Variants in ARHGAP24 observed in about 807,000 individuals in gnomAD.
The protein encoded by ARHGAP24 is Rho GTPase activating protein 24, also known as rho GTPase-activating protein 24.
Under a neutral mutation model 76.4 loss-of-function variants are expected in ARHGAP24, and 50 were observed. The ratio of observed to expected loss-of-function variants is 0.65; its 90% confidence interval spans 0.52 to 0.83. The LOEUF is 0.83. ARHGAP24 is among the 40% of genes least tolerant of loss of function. ARHGAP24 has a pLI of 0.00. For missense variants in ARHGAP24, 930 were observed against 914.2 expected (o/e 1.02, Z -0.22); for synonymous variants, 345 against 323.3 (o/e 1.07, Z -0.72).
Position 85,807,926 on chromosome 4 carries a change from T to A in ARHGAP24, c.268+85954T>A, listed in dbSNP as rs117225327. Among the ~76,000 whole-genome samples, 5 of 152,324 alleles carry A rather than the reference T, an allele frequency of 3.3e-5. No individual in the cohort carries two copies. The East Asian group carries it at 7.7e-4, about 23-fold the overall frequency. On this transcript the variant is annotated intron_variant, in intron 3 of 9. Coordinates refer to ENST00000395184, the MANE Select transcript of ARHGAP24 (RefSeq NM_001025616.3). ...TCTGTATCCCTCAAGGCACTTTTTT[T>A]ATTTTTGTCTCCCCCTGTATCCCAA...
At chr4:85,943,607 T>A (rs1333137283) in intron 5 of ARHGAP24, among the ~76,000 whole-genome samples, 1 of 152,062 alleles carries the variant, frequency 6.6e-6, no homozygotes, top group Non-Finnish European at 1.5e-5. Flanking sequence ...TTATCCCTCC[T>A]CTAATCCCCC....
chr4:85,996,865 A>G lies in ARHGAP24; in HGVS notation c.2003+1208A>G, dbSNP rs533551799. 3.2e-4 allele frequency among the ~76,000 whole-genome samples: 48 copies of G among 152,354 alleles called. No homozygotes were observed. The South Asian group carries it at 9.3e-3, about 30-fold the overall frequency. On this transcript the variant is annotated intron_variant, in intron 9 of 9. Coordinates refer to ENST00000395184, the MANE Select transcript of ARHGAP24 (RefSeq NM_001025616.3). Reference sequence around the variant, plus strand: ...ATTAGCATTTCACACTGGGAAGCTTATATTTTGAGGCAAGGGGTCACACTT... The same window carrying G: ...ATTAGCATTTCACACTGGGAAGCTTGTATTTTGAGGCAAGGGGTCACACTT...
At chr4:85,519,043 A>G (rs907189540) in intron 1 of ARHGAP24, among the ~76,000 whole-genome samples, 1 of 152,130 alleles carries the variant, frequency 6.6e-6, no homozygotes, top group Non-Finnish European at 1.5e-5. Flanking sequence ...GCTAACAAAC[A>G]TATGAAAAAA....
chr4:85,860,999 C>T (rs931090524), intron 3 of ARHGAP24, among the ~76,000 whole-genome samples: 13 of 131,668 alleles, frequency 9.9e-5, no homozygotes, highest in African/African-American at 2.4e-4. Flanking sequence ...TGTGCATGCA[C>T]GCACACACAC....
At chr4:85,708,014 T>G (rs962798547) in intron 2 of ARHGAP24, among the ~76,000 whole-genome samples, 5 of 152,176 alleles carry the variant, frequency 3.3e-5, no homozygotes, top group African/African-American at 1.2e-4. Flanking sequence ...GTTCAGAACT[T>G]GGACTAGTTT....
At chr4:85,923,551 T>C in intron 3 of ARHGAP24, 97 bp from the exon 4 acceptor site, 3 of 1,542,182 alleles carry the variant, frequency 1.9e-6, no homozygotes, top group South Asian at 2.3e-5. Flanking sequence ...GTGCGGGCTG[T>C]ATTAGGCACA....
chr4:85,792,103 C>T (rs545581432), intron 3 of ARHGAP24, among the ~76,000 whole-genome samples: 1 of 151,722 alleles, frequency 6.6e-6, no homozygotes, highest in Admixed American at 6.6e-5. Context: ...ATAATGGGAA[C>T]AAATGGGGTG....
chr4:85,678,059 GAA>G lies in ARHGAP24; in HGVS notation c.181-43820_181-43819del, dbSNP rs1723050300. ...CATCAAAGAAAAAAAAAAGAAAAAG[GAA>G]AAAAATTTTAAAAAAAGGCTATTCC... On this transcript the variant is annotated intron_variant, in intron 2 of 9. Transcript: ENST00000395184. Among the ~76,000 whole-genome samples the G allele has an allele frequency of 3.3e-5, 5 of 151,420 alleles. 1 individual carries two copies. In the South Asian group the frequency reaches 1.0e-3, roughly 32 times the overall value.
intron 2 of ARHGAP24, among the ~76,000 whole-genome samples, chr4:85,604,697 C>T (rs931874431): frequency 1.1e-4 from 17 of 152,258 alleles, no homozygotes; most frequent in Non-Finnish European, 2.2e-4. Flanking sequence ...AGCTATTCTC[C>T]TGCCTCAGCC....
At chr4:85,860,351 C>A (rs1731818494) in intron 3 of ARHGAP24, among the ~76,000 whole-genome samples, 1 of 152,046 alleles carries the variant, frequency 6.6e-6, no homozygotes, top group East Asian at 1.9e-4. Context: ...GAAGGAACTG[C>A]AATTTACAGA....
In ARHGAP24 at chr4:85,702,562, A is replaced by G. The variant is rs17010624; in HGVS notation, c.181-19323A>G. Among the ~76,000 whole-genome samples, 398 of 152,352 alleles carry G rather than the reference A, an allele frequency of 2.6e-3. 4 individuals carry two copies. The highest frequency in any genetic ancestry group is 4.5e-3 in the Non-Finnish European group (308 of 68,038). ...TATAGGCTCTAAAGTATTATAAGAT[A>G]CATTATTGAAACACAATAAAAAATT... On this transcript the variant is annotated intron_variant, in intron 2 of 9. Coordinates refer to ENST00000395184, the MANE Select transcript of ARHGAP24 (RefSeq NM_001025616.3).
intron 1 of ARHGAP24, among the ~76,000 whole-genome samples, chr4:85,557,445 C>T (rs539887257): frequency 2.1e-4 from 32 of 152,296 alleles, no homozygotes; most frequent in Middle Eastern, 3.4e-3. Flanking sequence ...GGGGAGTTTG[C>T]GGGGATTTCC....
At chr4:85,978,295 A>G (rs2148857129) in intron 8 of ARHGAP24, among the ~76,000 whole-genome samples, 1 of 152,340 alleles carries the variant, frequency 6.6e-6, no homozygotes, top group South Asian at 2.1e-4. Context: ...ATTTAAAAGA[A>G]AAAGGAAAGG....
At chr4:85,759,460 G>A (rs540111100) in intron 3 of ARHGAP24, among the ~76,000 whole-genome samples, 3 of 152,282 alleles carry the variant, frequency 2.0e-5, no homozygotes, top group South Asian at 2.1e-4. Context: ...GATTAGAGAA[G>A]GAGGACTGAT....
chr4:85,822,671 T>C (rs1346744883), intron 3 of ARHGAP24, among the ~76,000 whole-genome samples: 2 of 152,192 alleles, frequency 1.3e-5, no homozygotes, highest in Non-Finnish European at 2.9e-5. Context: ...TGTTGTTAGT[T>C]CACCATTTCT....
At chr4:85,607,281 G>A (rs1720225772) in intron 2 of ARHGAP24, among the ~76,000 whole-genome samples, 1 of 151,846 alleles carries the variant, frequency 6.6e-6, no homozygotes, top group East Asian at 1.9e-4. Context: ...TGCATCAAAT[G>A]TCCTTTAAGT....
intron 2 of ARHGAP24, among the ~76,000 whole-genome samples, chr4:85,592,103 A>G (rs756311928): frequency 6.6e-6 from 1 of 152,108 alleles, no homozygotes; most frequent in Non-Finnish European, 1.5e-5. Flanking sequence ...AGACTTGCCT[A>G]TTTTGTCCTA....
intron 1 of ARHGAP24, among the ~76,000 whole-genome samples, chr4:85,520,241 T>G (rs1724684655): frequency 2.0e-5 from 3 of 152,082 alleles, no homozygotes; most frequent in Admixed American, 2.0e-4. Context: ...GTCAGGGGGT[T>G]TTCAAATGGC....
At chr4:85,783,764 G>A (rs1727673186) in intron 3 of ARHGAP24, among the ~76,000 whole-genome samples, 2 of 151,560 alleles carry the variant, frequency 1.3e-5, no homozygotes, top group Admixed American at 1.3e-4. Context: ...GATAGCTATG[G>A]GAACATTTTT....
Sources: allele counts gnomAD v4.1 joint callset (sites outside exome capture counted in the v4.1 genomes callset), GRCh38; gene constraint gnomAD v4.1.1; transcripts MANE v1.5; gene names NCBI Gene and HGNC (gene_info 2026-07-23, HGNC 2026-07-21).